Variants in COL5A1 observed in about 807,000 individuals in gnomAD.
The protein encoded by COL5A1 is collagen type V alpha 1 chain.
COL5A1 carries 16 observed loss-of-function variants against 263.7 expected under a neutral mutation model. The ratio of observed to expected loss-of-function variants is 0.06; its 90% CI spans 0.04 to 0.09. COL5A1 has a LOEUF of 0.09. COL5A1 is among the 10% of genes least tolerant of loss of function. The pLI, the probability that COL5A1 is intolerant of heterozygous loss-of-function variation, is 1.00. For missense variants in COL5A1, 2,036 were observed against 2,540.5 expected (o/e 0.80, Z 4.27); for synonymous variants, 1,012 against 1,004.5 (o/e 1.01, Z -0.14).
Position 134,758,203 on chromosome 9 carries a change from C to A in COL5A1, c.1882-40C>A. 1 of 1,611,070 alleles carries A rather than the reference C, an allele frequency of 6.2e-7. No homozygotes were observed. Among genetic ancestry groups the A allele is most frequent in the Non-Finnish European group, 8.5e-7 (1 of 1,177,528 alleles). On this transcript the variant is annotated intron_variant, in intron 17 of 65. Coordinates refer to ENST00000371817, the MANE Select transcript of COL5A1 (RefSeq NM_000093.5). This position sits in a 1 kb window ranked among gnomAD's most constrained non-coding sequence, Gnocchi z 4.1. ...CACCAAGGCGGGGTGTCCACGTGTG[C>A]AGGGTGGCGTCTGAGGCAGCCTTTC...
chr9:134,827,715 C>T lies in COL5A1; in HGVS notation c.5067+1811C>T, dbSNP rs185397201. ...GCGTCCACAGGCTGCAGCCTCGGGC[C>T]TGGGCTACAGCTGCTTGGCCAAGGG... On this transcript the variant is annotated intron_variant, in intron 63 of 65. Coordinates refer to ENST00000371817, the MANE Select transcript of COL5A1 (RefSeq NM_000093.5). Among the ~76,000 whole-genome samples the T allele has an allele frequency of 1.8e-3, 267 of 152,294 alleles. 5 individuals carry two copies. The East Asian group carries it at 0.041, about 23-fold the overall frequency.
chr9:134,695,758 G>A (rs968624491), intron 2 of COL5A1, among the ~76,000 whole-genome samples: 1 of 152,188 alleles, frequency 6.6e-6, no homozygotes, highest in Non-Finnish European at 1.5e-5. Flanking sequence ...TCCAGCCCAG[G>A]GAATGTAAAC....
At chr9:134,699,818 G>A (rs2132569218) in intron 2 of COL5A1, 91 bp from the exon 3 acceptor site, 4 of 1,273,934 alleles carry the variant, frequency 3.1e-6, no homozygotes, top group Non-Finnish European at 4.6e-6. Flanking sequence ...AGCTTCCCAG[G>A]GTCCCGGGCT....
At position 134,789,224 on chromosome 9, in the gene COL5A1, C is replaced by T. The variant is rs371771646; in HGVS notation, c.2700+16C>T. 137 of 1,611,082 alleles carry T rather than the reference C, an allele frequency of 8.5e-5. No individual in the cohort carries two copies. The African/African-American group carries it at 1.7e-3, about 20-fold the overall frequency. On this transcript the variant is annotated intron_variant, in intron 32 of 65. Coordinates refer to ENST00000371817, the MANE Select transcript of COL5A1 (RefSeq NM_000093.5). The surrounding 1 kb of genome is among the most constrained non-coding windows in gnomAD (Gnocchi z 4.8). ...GGGCGGCAGGGTAAGGATAGCCTGG[C>T]CCCTGGGCAGGCAGCTTGTTCGGCT...
chr9:134,829,796 C>T (rs1041256775), intron 63 of COL5A1, among the ~76,000 whole-genome samples, 180 bp from the exon 64 acceptor site: 1 of 152,132 alleles, frequency 6.6e-6, no homozygotes, highest in East Asian at 1.9e-4. Flanking sequence ...TCCAGTCTCC[C>T]CACAAGGGCC....
intron 13 of COL5A1, among the ~76,000 whole-genome samples, chr9:134,751,470 C>T (rs1835778144): frequency 6.6e-6 from 1 of 152,166 alleles, no homozygotes; most frequent in African/African-American, 2.4e-5. Flanking sequence ...TGGGCTGGAG[C>T]TGGGCTCCTC....
rs981100115 is a variant in COL5A1 at position 134,761,995 on chromosome 9, C to T, written c.1989+17C>T. 7 of 1,612,848 alleles carry T rather than the reference C, an allele frequency of 4.3e-6. No individual in the cohort carries two copies. Among genetic ancestry groups the T allele is most frequent in the Middle Eastern group, 1.7e-4 (1 of 6,052 alleles). On this transcript the variant is annotated intron_variant, in intron 19 of 65. Transcript: ENST00000371817. ...GGAGAAAGGGTAGGTATTCTGCCGTCCCTCCGACTGCTCCTGCCTGCCCTA... is the reference window on the plus strand; with the variant it reads ...GGAGAAAGGGTAGGTATTCTGCCGTTCCTCCGACTGCTCCTGCCTGCCCTA...
At chr9:134,798,482 G>A in intron 37 of COL5A1, 21 bp downstream of exon 37, 2 of 1,613,522 alleles carry the variant, frequency 1.2e-6, no homozygotes, top group Non-Finnish European at 1.7e-6. Flanking sequence ...AGGGTGCTGG[G>A]GGACGTGGCT....
At position 134,751,451 on chromosome 9, in the gene COL5A1, G is replaced by A. The variant is rs554858549; in HGVS notation, c.1662+569G>A. ...CCGGAAACCCACGTGGCTCCTGGAA[G>A]GGGCTGCCTGGGCTGGAGCTGGGCT... On this transcript the variant is annotated intron_variant, in intron 13 of 65. Transcript: ENST00000371817. Among the ~76,000 whole-genome samples the A allele has an allele frequency of 3.9e-4, 59 of 152,348 alleles. 1 individual carries two copies. In the South Asian group the frequency reaches 4.8e-3, roughly 12 times the overall value.
intron 28 of COL5A1, among the ~76,000 whole-genome samples, chr9:134,782,275 T>A (rs1409342343): frequency 6.6e-6 from 1 of 152,078 alleles, no homozygotes; most frequent in Non-Finnish European, 1.5e-5. Flanking sequence ...TTCATCCAGC[T>A]CCCCGTCCTC....
At chr9:134,795,165 G>T in intron 33 of COL5A1, 39 bp downstream of exon 33, 1 of 1,613,890 alleles carries the variant, frequency 6.2e-7, no homozygotes, top group Non-Finnish European at 8.5e-7. Context: ...TTTGGGAAAC[G>T]GGAGCATGGT....
chr9:134,684,215 G>T (rs1186287557), intron 1 of COL5A1, among the ~76,000 whole-genome samples: 1 of 152,170 alleles, frequency 6.6e-6, no homozygotes, highest in Non-Finnish European at 1.5e-5. Context: ...AGGAGTGCTC[G>T]GGCACCAGTG....
In COL5A1 at chr9:134,730,407, C is replaced by T; in HGVS notation, c.1096C>T (p.Gln366Ter). The change falls in exon 7 of 66, where the codon CAG becomes TAG. Residue 366 changes from glutamine to a stop codon, truncating the protein, a stop_gained. Transcript: ENST00000371817. LOFTEE classifies it high-confidence loss of function. ...TGGCGAGGGGGAGGAGAACCCCGAC[C>T]AGCCCACAGACCCAGGCGCTGGGGC... is the stretch of plus-strand genomic sequence containing the variant. ...TYGEGEENPD[Q>*]PTDPGAGAEI... 6.2e-7 allele frequency: 1 copy of T among 1,614,210 alleles called. No homozygotes were observed. The highest frequency in any genetic ancestry group is 8.5e-7 in the Non-Finnish European group (1 of 1,180,036).
intron 28 of COL5A1, among the ~76,000 whole-genome samples, chr9:134,781,111 A>G (rs1245166686): frequency 6.6e-6 from 1 of 152,218 alleles, no homozygotes; most frequent in Non-Finnish European, 1.5e-5. Flanking sequence ...CTTTCTTGTG[A>G]AATCTGCCGG....
intron 1 of COL5A1, among the ~76,000 whole-genome samples, chr9:134,679,837 C>A (rs940049269): frequency 2.0e-5 from 3 of 151,958 alleles, no homozygotes; most frequent in Admixed American, 2.0e-4. Flanking sequence ...AGTCCCCTCG[C>A]GAGGCCCCAC....
intron 4 of COL5A1, among the ~76,000 whole-genome samples, chr9:134,711,935 C>T (rs1834056749): frequency 6.6e-6 from 1 of 151,954 alleles, no homozygotes; most frequent in African/African-American, 2.4e-5. Flanking sequence ...CTGGGCCTGT[C>T]TGTGAGTGCC....
intron 27 of COL5A1, among the ~76,000 whole-genome samples, chr9:134,777,331 G>A (rs1007970459): frequency 1.3e-5 from 2 of 152,226 alleles, no homozygotes; most frequent in African/African-American, 4.8e-5. Context: ...TCCTTCCCGG[G>A]GCGGCTGGCC....
intron 48 of COL5A1, 124 bp downstream of exon 48, chr9:134,812,836 A>T: frequency 1.4e-6 from 1 of 740,160 alleles, no homozygotes; most frequent in Non-Finnish European, 2.4e-6. Flanking sequence ...GGGTGCATAC[A>T]CGTGTGTGTA....
chr9:134,731,984 C>A (rs547332812), intron 8 of COL5A1, 87 bp from the exon 9 acceptor site: 13 of 1,497,394 alleles, frequency 8.7e-6, no homozygotes, highest in South Asian at 2.3e-5. Flanking sequence ...CTCGGCCTTG[C>A]GAAATCGGGC....
Sources: gnomAD v4.1 joint callset for allele counts (sites outside exome capture counted in the v4.1 genomes callset) on GRCh38, gnomAD v4.1.1 for gene constraint, Gnocchi (gnomAD v3.1) non-coding constraint, MANE v1.5 for transcripts, NCBI Gene and HGNC (gene_info 2026-07-23, HGNC 2026-07-21) for gene names.